Variants in ADAM32 observed in about 807,000 individuals in gnomAD.
ADAM32 encodes the protein disintegrin and metalloproteinase domain-containing protein 32.
A neutral mutation model predicts 114.9 loss-of-function variants in ADAM32; 89 were observed. The ratio of observed to expected loss-of-function variants is 0.77; its 90% CI spans 0.65 to 0.92. The LOEUF (loss-of-function observed/expected upper bound fraction) is 0.92, where lower values mean the gene tolerates loss of function less well. ADAM32 is among the 40% of genes least tolerant of loss of function. The pLI is 0.00. For synonymous variants in ADAM32, 285 were observed against 307.5 expected (o/e 0.93, Z 0.77); for missense variants, 870 against 932.8 (o/e 0.93, Z 0.88).
intron 11 of ADAM32, among the ~76,000 whole-genome samples, chr8:39,206,391 C>T (rs976373898): frequency 6.6e-6 from 1 of 152,156 alleles, no homozygotes; most frequent in Non-Finnish European, 1.5e-5. Context: ...GCAGTGGTGG[C>T]AGTTGGTAGA....
intron 11 of ADAM32, among the ~76,000 whole-genome samples, chr8:39,205,650 C>T (rs1807778038): frequency 2.6e-5 from 4 of 152,216 alleles, no homozygotes; most frequent in Admixed American, 2.6e-4. Context: ...GTCCGACAAG[C>T]CCCAGTGAGA....
chr8:39,150,163 G>A (rs982350437), intron 5 of ADAM32, among the ~76,000 whole-genome samples: 10 of 152,144 alleles, frequency 6.6e-5, no homozygotes, highest in Non-Finnish European at 1.3e-4. Context: ...TGTTTTAGGA[G>A]CTAAGTTTAG....
chr8:39,130,997 C>A, intron 2 of ADAM32: 1 of 361,852 alleles, frequency 2.8e-6, no homozygotes, highest in Non-Finnish European at 5.2e-6. Flanking sequence ...TGCTCTGTTG[C>A]CCAGGCTGGA....
chr8:39,110,758 A>T (rs556363298), intron 1 of ADAM32, among the ~76,000 whole-genome samples: 5 of 152,226 alleles, frequency 3.3e-5, no homozygotes, highest in Admixed American at 6.5e-5. Flanking sequence ...ATTATAACTC[A>T]GAAGAGAGAA....
At chr8:39,252,776 G>T (rs1811387008) in intron 17 of ADAM32, among the ~76,000 whole-genome samples, 1 of 151,382 alleles carries the variant, frequency 6.6e-6, no homozygotes, top group Admixed American at 6.6e-5. Flanking sequence ...AAGATACTGT[G>T]GTGTATATTT....
At chr8:39,210,534 C>T (rs889961651) in intron 11 of ADAM32, among the ~76,000 whole-genome samples, 7 of 152,092 alleles carry the variant, frequency 4.6e-5, no homozygotes, top group East Asian at 3.9e-4. Flanking sequence ...TATCTTAAAT[C>T]GTCACTTTCA....
chr8:39,213,099 C>A (rs1808337092), intron 12 of ADAM32, among the ~76,000 whole-genome samples: 1 of 152,114 alleles, frequency 6.6e-6, no homozygotes, highest in Non-Finnish European at 1.5e-5. Context: ...CATTTACTTT[C>A]TGTAATGATT....
At chr8:39,164,057 C>G (rs994042304) in intron 7 of ADAM32, among the ~76,000 whole-genome samples, 2 of 152,096 alleles carry the variant, frequency 1.3e-5, no homozygotes, top group African/African-American at 4.8e-5. Flanking sequence ...ACATAGGTAG[C>G]CTTCCATAAC....
chr8:39,248,802 G>A (rs1447445520), intron 17 of ADAM32, among the ~76,000 whole-genome samples: 1 of 151,840 alleles, frequency 6.6e-6, no homozygotes, highest in Non-Finnish European at 1.5e-5. Flanking sequence ...TAAGTACGAT[G>A]TCAGCTGTAG....
chr8:39,113,435 T>A (rs1840248587), intron 1 of ADAM32, among the ~76,000 whole-genome samples: 1 of 152,208 alleles, frequency 6.6e-6, no homozygotes, highest in Admixed American at 6.5e-5. Context: ...AGTCACCCGA[T>A]GAATGATTCA....
At chr8:39,159,315 C>A (rs1804342737) in intron 6 of ADAM32, among the ~76,000 whole-genome samples, 1 of 152,166 alleles carries the variant, frequency 6.6e-6, no homozygotes, top group Admixed American at 6.5e-5. Flanking sequence ...AGAGAAAAGA[C>A]TTCCTTGGTT....
At chr8:39,236,130 G>T (rs537929763) in intron 16 of ADAM32, among the ~76,000 whole-genome samples, 54 of 152,218 alleles carry the variant, frequency 3.5e-4, no homozygotes, top group African/African-American at 1.3e-3. Flanking sequence ...AAAGTTAGAA[G>T]AATTATGTCA....
chr8:39,109,279 C>A (rs141139179), intron 1 of ADAM32, among the ~76,000 whole-genome samples: 2 of 152,210 alleles, frequency 1.3e-5, no homozygotes, highest in African/African-American at 4.8e-5. Context: ...TGGTGGCTCA[C>A]GCCTGTAATC....
intron 22 of ADAM32, among the ~76,000 whole-genome samples, chr8:39,276,454 C>T (rs1236424888): frequency 6.6e-6 from 1 of 152,084 alleles, no homozygotes; most frequent in African/African-American, 2.4e-5. Context: ...GGTTTTAGGT[C>T]CTTCTGCAGA....
intron 14 of ADAM32, among the ~76,000 whole-genome samples, chr8:39,225,144 C>A (rs910270867): frequency 1.2e-4 from 19 of 152,194 alleles, no homozygotes; most frequent in Non-Finnish European, 2.2e-4. Context: ...ACTTGAGTGA[C>A]TACCCCTCCC....
chr8:39,205,108 C>A (rs1037274414), intron 11 of ADAM32, among the ~76,000 whole-genome samples: 1 of 152,216 alleles, frequency 6.6e-6, no homozygotes, highest in African/African-American at 2.4e-5. Context: ...TGTCTGTTCT[C>A]CGATCTCAAA....
At chr8:39,128,840 G>A (rs1802266153) in intron 2 of ADAM32, among the ~76,000 whole-genome samples, 1 of 152,066 alleles carries the variant, frequency 6.6e-6, no homozygotes, top group South Asian at 2.1e-4. Context: ...TTGAATATTG[G>A]CCTCCAATAT....
At chr8:39,160,508 A>G (rs1804432439) in intron 6 of ADAM32, among the ~76,000 whole-genome samples, 1 of 138,818 alleles carries the variant, frequency 7.2e-6, no homozygotes, top group Non-Finnish European at 1.5e-5. Flanking sequence ...CCACTGCACT[A>G]TAGCCTGGGC....
intron 10 of ADAM32, among the ~76,000 whole-genome samples, chr8:39,175,785 T>C (rs2129446666): frequency 6.6e-6 from 1 of 152,240 alleles, no homozygotes; most frequent in African/African-American, 2.4e-5. Context: ...TGGTAGAATG[T>C]TAGCTGTAAA....
Sources: gnomAD v4.1 joint callset for allele counts (sites outside exome capture counted in the v4.1 genomes callset) on GRCh38, gnomAD v4.1.1 for gene constraint, MANE v1.5 for transcripts, NCBI Gene and HGNC (gene_info 2026-07-23, HGNC 2026-07-21) for gene names.